ZNF385D: variants seen among roughly 807,000 people sequenced by gnomAD.
ZNF385D encodes zinc finger protein 659.
A neutral mutation model predicts 35.8 loss-of-function variants in ZNF385D; 15 were observed. The observed-to-expected ratio is 0.42, with a 90% CI of 0.28 to 0.64. ZNF385D has a LOEUF of 0.64. Ranked by LOEUF, ZNF385D falls within the 30% of genes least tolerant of loss-of-function variation. The probability of loss-of-function intolerance (pLI) is 0.23; values close to 1 mark genes in which losing one functional copy is unlikely to be tolerated. For synonymous variants in ZNF385D, 212 were observed against 186.8 expected (o/e 1.13, Z -1.10); for missense variants, 474 against 494.6 (o/e 0.96, Z 0.39).
At chr3:22,231,237 G>A (rs890367374) in intron 2 of ZNF385D, among the ~76,000 whole-genome samples, 3 of 152,186 alleles carry the variant, frequency 2.0e-5, no homozygotes, top group African/African-American at 4.8e-5. Context: ...AGTGTTGCAA[G>A]ATCAGTGTCT....
intron 2 of ZNF385D, among the ~76,000 whole-genome samples, chr3:22,204,383 A>C (rs756301587): frequency 6.6e-6 from 1 of 152,062 alleles, no homozygotes; most frequent in Non-Finnish European, 1.5e-5. Flanking sequence ...AATCTTTCCC[A>C]GAAGAATGGA....
chr3:22,188,032 A>G (rs887007411), intron 2 of ZNF385D, among the ~76,000 whole-genome samples: 7 of 152,212 alleles, frequency 4.6e-5, no homozygotes, highest in African/African-American at 1.7e-4. Flanking sequence ...GCTGCAGTCA[A>G]TAACCTAAAC....
intron 3 of ZNF385D, among the ~76,000 whole-genome samples, chr3:22,071,960 A>C (rs1178846803): frequency 1.3e-5 from 2 of 152,118 alleles, no homozygotes; most frequent in Non-Finnish European, 2.9e-5. Flanking sequence ...CTATTTACCA[A>C]GAAACCTGAA....
At chr3:21,595,006 A>G (rs141131769) in intron 2 of ZNF385D, among the ~76,000 whole-genome samples, 1 of 152,268 alleles carries the variant, frequency 6.6e-6, no homozygotes, top group African/African-American at 2.4e-5. Flanking sequence ...TTTTCTTTTT[A>G]TAACCAGCAT....
intron 3 of ZNF385D, among the ~76,000 whole-genome samples, chr3:21,528,391 A>T (rs2061833362): frequency 6.6e-6 from 1 of 152,140 alleles, no homozygotes; most frequent in Admixed American, 6.5e-5. Context: ...TGGCTACTTG[A>T]CTGAGTGATA....
intron 3 of ZNF385D, among the ~76,000 whole-genome samples, chr3:21,779,050 C>G (rs191252443): frequency 1.4e-4 from 21 of 152,078 alleles, no homozygotes; most frequent in Non-Finnish European, 3.1e-4. Flanking sequence ...TATCTGGTGG[C>G]TGACATAAAG....
intron 4 of ZNF385D, among the ~76,000 whole-genome samples, chr3:21,496,212 A>G (rs1019600988): frequency 4.0e-5 from 6 of 150,888 alleles, no homozygotes; most frequent in Admixed American, 2.0e-4. Context: ...GGCCAGCATC[A>G]TCTTGATACC....
At chr3:21,830,495 C>T (rs376396354) in intron 3 of ZNF385D, among the ~76,000 whole-genome samples, 4 of 152,178 alleles carry the variant, frequency 2.6e-5, no homozygotes, top group Admixed American at 6.5e-5. Flanking sequence ...AAAGCCTCTA[C>T]GTATTGTTTG....
rs555375041 is a variant in ZNF385D at position 21,781,658 on chromosome 3, T to C, written c.326-116630A>G. Among the ~76,000 whole-genome samples, 15 of 152,246 alleles carry C rather than the reference T, an allele frequency of 9.9e-5. No homozygotes were observed. The South Asian group carries it at 2.9e-3, about 29-fold the overall frequency. ...GAATGAGTAAGATTCCTTGCTGTTC[T>C]TGACGACATGAGCCAGACACCTTAA... is the stretch of plus-strand genomic sequence containing the variant. On this transcript the variant is annotated intron_variant, in intron 3 of 5. Transcript: ENST00000494108.
chr3:21,429,362 G>A (rs1701185075), intron 5 of ZNF385D, among the ~76,000 whole-genome samples: 1 of 151,966 alleles, frequency 6.6e-6, no homozygotes, highest in Non-Finnish European at 1.5e-5. Flanking sequence ...AAATTCCTGT[G>A]AAATTATATA....
rs2064077683 is a variant in ZNF385D at position 21,594,586 on chromosome 3, G to C, written c.166-29902C>G. The stretch of plus-strand genomic sequence containing the variant: ...AAACGGGATTGTGGGGGCCTGAGTA[G>C]ATAACTGATGGTGTCAACTAAAGGC... On this transcript the variant is annotated intron_variant, in intron 2 of 7. Transcript: ENST00000281523. Among the ~76,000 whole-genome samples the C allele has an allele frequency of 1.3e-5, 2 of 152,118 alleles. 1 individual carries two copies. The highest frequency in any genetic ancestry group is 1.3e-4 in the Admixed American group (2 of 15,270).
intron 3 of ZNF385D, among the ~76,000 whole-genome samples, chr3:21,879,089 A>G (rs1018157370): frequency 3.9e-5 from 6 of 152,044 alleles, no homozygotes; most frequent in South Asian, 2.1e-4. Context: ...TTTGTAAAAC[A>G]CATCAAGATA....
chr3:22,092,407 A>G (rs1165057964), intron 3 of ZNF385D, among the ~76,000 whole-genome samples: 1 of 152,122 alleles, frequency 6.6e-6, no homozygotes, highest in Admixed American at 6.6e-5. Context: ...AGGTATCCAG[A>G]CAGTGCTGAC....
chr3:21,835,052 T>C (rs765470699), intron 3 of ZNF385D, among the ~76,000 whole-genome samples: 3 of 152,090 alleles, frequency 2.0e-5, no homozygotes, highest in Non-Finnish European at 4.4e-5. Context: ...TAGGAACAGC[T>C]CTAGCCCTAA....
chr3:21,863,155 A>G (rs957171741), intron 3 of ZNF385D, among the ~76,000 whole-genome samples: 3 of 152,170 alleles, frequency 2.0e-5, no homozygotes, highest in Non-Finnish European at 2.9e-5. Context: ...TAGAGTTCAT[A>G]TCCAAGCAAA....
rs889253045 is a variant in ZNF385D at position 22,171,870 on chromosome 3, C to T, written c.107-2835G>A. 2.8e-5 allele frequency among the ~76,000 whole-genome samples: 3 copies of T among 108,678 alleles called. 1 individual carries two copies. The highest frequency in any genetic ancestry group is 1.1e-4 in the Admixed American group (1 of 8,866). 71.3% of individuals were successfully genotyped at this position (108,678 alleles called of 152,430 possible). On this transcript the variant is annotated intron_variant, in intron 2 of 5. Transcript: ENST00000494108. ...CCAGCCTGGGCAACAGAGCAAGACTCGGTCTCAAAAAAAAAAAAAAAAAAA... is the reference window on the plus strand; with the variant it reads ...CCAGCCTGGGCAACAGAGCAAGACTTGGTCTCAAAAAAAAAAAAAAAAAAA...
chr3:21,796,690 A>G (rs1482658822), intron 3 of ZNF385D, among the ~76,000 whole-genome samples: 1 of 152,242 alleles, frequency 6.6e-6, no homozygotes, highest in Admixed American at 6.5e-5. Flanking sequence ...GAACACATCT[A>G]CATGACATTT....
At chr3:22,209,837 T>C (rs1424495610) in intron 2 of ZNF385D, among the ~76,000 whole-genome samples, 1 of 151,798 alleles carries the variant, frequency 6.6e-6, no homozygotes, top group Non-Finnish European at 1.5e-5. Context: ...TATGTGGTGA[T>C]TATAAGCTAA....
chr3:21,559,461 T>C (rs1178039809), intron 3 of ZNF385D, among the ~76,000 whole-genome samples: 2 of 148,866 alleles, frequency 1.3e-5, no homozygotes, highest in Middle Eastern at 3.4e-3. Context: ...TGAACATTCT[T>C]TTCTTTAAGA....
Sources: allele counts gnomAD v4.1 joint callset (sites outside exome capture counted in the v4.1 genomes callset), GRCh38; gene constraint gnomAD v4.1.1; transcripts MANE v1.5; gene names NCBI Gene and HGNC (gene_info 2026-07-23, HGNC 2026-07-21).